Variants in GALNT11 observed in about 807,000 individuals in gnomAD.
GALNT11 encodes UDP-GalNAc:polypeptide N-acetylgalactosaminyltransferase 11.
GALNT11 carries 47 observed loss-of-function variants against 72.7 expected under a neutral mutation model. The observed-to-expected ratio is 0.65, with a 90% CI of 0.51 to 0.82. The LOEUF is 0.82. Ranked by LOEUF, GALNT11 falls within the 40% of genes least tolerant of loss-of-function variation. GALNT11 has a pLI of 0.00. For missense variants in GALNT11, 677 were observed against 778.4 expected (o/e 0.87, Z 1.55); for synonymous variants, 270 against 286.6 (o/e 0.94, Z 0.58).
At chr7:152,054,332 A>G (rs989292670) in intron 1 of GALNT11, among the ~76,000 whole-genome samples, 1 of 151,480 alleles carries the variant, frequency 6.6e-6, no homozygotes. Context: ...CTTACAATCT[A>G]TTGATCAGTT....
intron 1 of GALNT11, among the ~76,000 whole-genome samples, chr7:152,027,354 C>T (rs2082071345): frequency 1.3e-5 from 2 of 152,140 alleles, no homozygotes; most frequent in African/African-American, 4.8e-5. Context: ...TCAGGATAAG[C>T]AGGGTATCCA....
intron 2 of GALNT11, among the ~76,000 whole-genome samples, chr7:152,099,342 T>TTTTA (rs143805862): frequency 0.25 from 35,397 of 143,496 alleles, 4,561 homozygotes; most frequent in Non-Finnish European, 0.26. Flanking sequence ...AAAAATGGAC[T>TTTTA]TTTATTTATT....
At chr7:152,068,875 A>T (rs1421236990) in intron 1 of GALNT11, among the ~76,000 whole-genome samples, 1 of 151,106 alleles carries the variant, frequency 6.6e-6, no homozygotes, top group Non-Finnish European at 1.5e-5. Context: ...TTAATTTTTT[A>T]ATTTTTAATT....
intron 5 of GALNT11, among the ~76,000 whole-genome samples, chr7:152,106,153 G>C (rs1183796480): frequency 6.6e-6 from 1 of 152,206 alleles, no homozygotes; most frequent in East Asian, 1.9e-4. Context: ...GTTTAAAAAT[G>C]TTAGGCATGT....
At chr7:152,036,190 A>G (rs1032085660) in intron 1 of GALNT11, among the ~76,000 whole-genome samples, 1 of 152,144 alleles carries the variant, frequency 6.6e-6, no homozygotes, top group Non-Finnish European at 1.5e-5. Context: ...ACTAGATCTT[A>G]TGCATTCTAT....
At chr7:152,027,940 C>G (rs2082108892) in intron 1 of GALNT11, among the ~76,000 whole-genome samples, 1 of 151,830 alleles carries the variant, frequency 6.6e-6, no homozygotes, top group Non-Finnish European at 1.5e-5. Flanking sequence ...AGGAGTCAAC[C>G]TGCAGACCTT....
chr7:152,060,396 G>A (rs2083931765), intron 1 of GALNT11, among the ~76,000 whole-genome samples: 1 of 151,730 alleles, frequency 6.6e-6, no homozygotes, highest in Non-Finnish European at 1.5e-5. Context: ...CAACTTGGCT[G>A]TTTGGTGCAA....
chr7:152,031,013 A>C (rs141670959), intron 1 of GALNT11, among the ~76,000 whole-genome samples: 1,791 of 152,328 alleles, frequency 0.012, 36 homozygotes, highest in African/African-American at 0.041. Context: ...CAGAGGTTAG[A>C]AACTCCCTTT....
intron 2 of GALNT11, among the ~76,000 whole-genome samples, chr7:152,099,471 C>G (rs2086632227): frequency 6.8e-6 from 1 of 146,320 alleles, no homozygotes; most frequent in Non-Finnish European, 1.5e-5. Flanking sequence ...TTAAGAGATT[C>G]TCCTGCCTTA....
intron 8 of GALNT11, among the ~76,000 whole-genome samples, chr7:152,116,339 C>T (rs892061313): frequency 1.3e-5 from 2 of 152,122 alleles, no homozygotes; most frequent in African/African-American, 4.8e-5. Context: ...CAACCTCCAC[C>T]TCCCAGGTTC....
In GALNT11 at chr7:152,025,771, C is replaced by G. The variant is rs985307758; in HGVS notation, c.-152C>G. On this transcript the variant is annotated 5_prime_UTR_variant, in exon 1 of 12. Coordinates refer to ENST00000430044, the MANE Select transcript of GALNT11 (RefSeq NM_022087.4). ...CCTGCGCGACGCCTGGCTGCTGGGC[C>G]CCGGGGCAGTTCAGCCCGCGCCGCT... 3.5e-5 allele frequency: 6 copies of G among 170,386 alleles called. No individual in the cohort carries two copies. The highest frequency in any genetic ancestry group is 1.4e-4 in the African/African-American group (6 of 41,572). 10.6% of individuals were successfully genotyped at this position (170,386 alleles called of 1,614,324 possible).
intron 6 of GALNT11, among the ~76,000 whole-genome samples, chr7:152,108,570 T>G (rs2087838239): frequency 6.6e-6 from 1 of 152,180 alleles, no homozygotes; most frequent in Non-Finnish European, 1.5e-5. Context: ...GGGCCCCGTG[T>G]GGTGGTTGCT....
At chr7:152,104,753 A>G (rs1204339740) in intron 4 of GALNT11, 1 of 152,256 alleles carries the variant, frequency 6.6e-6, no homozygotes, top group Non-Finnish European at 1.5e-5. Flanking sequence ...CCTTGGAAGA[A>G]AGATGCTAAA....
intron 2 of GALNT11, among the ~76,000 whole-genome samples, chr7:152,099,024 ATTC>A (rs2086576163): frequency 6.6e-6 from 1 of 152,102 alleles, no homozygotes; most frequent in South Asian, 2.1e-4. Context: ...GGCTTGCTGC[ATTC>A]GCCTCCTAGG....
intron 1 of GALNT11, among the ~76,000 whole-genome samples, chr7:152,033,278 A>T (rs1472783533): frequency 6.6e-6 from 1 of 152,140 alleles, no homozygotes; most frequent in Non-Finnish European, 1.5e-5. Flanking sequence ...AACCACACTG[A>T]TAACAAGCCC....
intron 1 of GALNT11, among the ~76,000 whole-genome samples, chr7:152,045,144 A>G (rs2083057505): frequency 6.6e-6 from 1 of 152,104 alleles, no homozygotes; most frequent in Non-Finnish European, 1.5e-5. Flanking sequence ...CCACTTAGTC[A>G]TGATGAATGA....
chr7:152,067,092 C>T (rs1172540556), intron 1 of GALNT11, among the ~76,000 whole-genome samples: 1 of 152,178 alleles, frequency 6.6e-6, no homozygotes, highest in Non-Finnish European at 1.5e-5. Context: ...GGTATACCTC[C>T]ACTGGTCAGG....
At chr7:152,104,738 A>G (rs2087339934) in intron 4 of GALNT11, 1 of 152,268 alleles carries the variant, frequency 6.6e-6, no homozygotes, top group Non-Finnish European at 1.5e-5. Flanking sequence ...AAAAATATTT[A>G]GCAACCTTGG....
At chr7:152,047,475 A>G (rs546239890) in intron 1 of GALNT11, among the ~76,000 whole-genome samples, 16 of 152,080 alleles carry the variant, frequency 1.1e-4, no homozygotes, top group African/African-American at 3.1e-4. Flanking sequence ...AAAACAAACA[A>G]ACAAACAAAC....
Sources: gnomAD v4.1 joint callset for allele counts (sites outside exome capture counted in the v4.1 genomes callset) on GRCh38, gnomAD v4.1.1 for gene constraint, MANE v1.5 for transcripts, NCBI Gene and HGNC (gene_info 2026-07-23, HGNC 2026-07-21) for gene names.